MDGA2: variants seen among roughly 807,000 people sequenced by gnomAD.
MDGA2 encodes the protein MAM domain-containing glycosylphosphatidylinositol anchor protein 2.
Under a neutral mutation model 117.8 loss-of-function variants are expected in MDGA2, and 40 were observed. That is an observed-to-expected ratio of 0.34 (90% CI 0.26 to 0.44). The LOEUF is 0.44. Ranked by LOEUF, MDGA2 falls within the 20% of genes least tolerant of loss-of-function variation. The probability of loss-of-function intolerance (pLI) is 1.00; values close to 1 mark genes in which losing one functional copy is unlikely to be tolerated. For missense variants in MDGA2, 1,123 were observed against 1,250.6 expected (o/e 0.90, Z 1.54); for synonymous variants, 452 against 439.0 (o/e 1.03, Z -0.37).
At chr14:47,294,229 G>A (rs1888986647) in intron 2 of MDGA2, among the ~76,000 whole-genome samples, 1 of 150,668 alleles carries the variant, frequency 6.6e-6, no homozygotes, top group African/African-American at 2.4e-5. Flanking sequence ...CCGACTAGCT[G>A]GAACTACAGG....
intron 3 of MDGA2, among the ~76,000 whole-genome samples, chr14:47,156,350 A>T (rs1215449588): frequency 6.6e-6 from 1 of 151,736 alleles, no homozygotes; most frequent in Non-Finnish European, 1.5e-5. Context: ...AACCTCAAAA[A>T]CTCCAAAGTT....
intron 1 of MDGA2, among the ~76,000 whole-genome samples, chr14:47,469,955 C>A (rs1385317142): frequency 6.6e-6 from 1 of 152,054 alleles, no homozygotes; most frequent in Non-Finnish European, 1.5e-5. Flanking sequence ...CATCTCTTCT[C>A]TGTATAAAAG....
At chr14:47,454,843 C>G (rs922411142) in intron 1 of MDGA2, among the ~76,000 whole-genome samples, 2 of 147,792 alleles carry the variant, frequency 1.4e-5, no homozygotes, top group South Asian at 2.4e-4. Flanking sequence ...CACATTCTTC[C>G]AAGCAAAGAT....
intron 1 of MDGA2, among the ~76,000 whole-genome samples, chr14:47,401,295 G>A (rs1051453149): frequency 6.6e-6 from 1 of 152,068 alleles, no homozygotes; most frequent in Non-Finnish European, 1.5e-5. Flanking sequence ...AACAGTAAAA[G>A]TGTCTTTAGG....
intron 2 of MDGA2, among the ~76,000 whole-genome samples, chr14:47,290,006 A>C (rs915516531): frequency 2.0e-5 from 3 of 152,158 alleles, no homozygotes; most frequent in Admixed American, 6.5e-5. Context: ...TATATCATAA[A>C]TCTCTATCAC....
chr14:47,579,622 CTGATA>C (rs1896189998), intron 1 of MDGA2, among the ~76,000 whole-genome samples: 1 of 151,936 alleles, frequency 6.6e-6, no homozygotes, highest in African/African-American at 2.4e-5. Context: ...GGCCAATGGA[CTGATA>C]TGATAATTTA....
chr14:47,390,984 C>G (rs1439037861), intron 1 of MDGA2, among the ~76,000 whole-genome samples: 4 of 152,142 alleles, frequency 2.6e-5, no homozygotes, highest in Non-Finnish European at 5.9e-5. Flanking sequence ...CCTACCATCT[C>G]CTGTCTAGCC....
intron 3 of MDGA2, among the ~76,000 whole-genome samples, chr14:47,213,103 A>G (rs1218805810): frequency 6.6e-6 from 1 of 152,124 alleles, no homozygotes; most frequent in African/African-American, 2.4e-5. Flanking sequence ...AATAGATAAA[A>G]GTAGTATCCT....
chr14:47,410,091 T>C (rs1428912888), intron 1 of MDGA2, among the ~76,000 whole-genome samples: 1 of 152,182 alleles, frequency 6.6e-6, no homozygotes, highest in East Asian at 1.9e-4. Context: ...ATTTGTTGTC[T>C]TCAGACAGGA....
At chr14:46,986,682 G>A (rs1046883533) in intron 8 of MDGA2, among the ~76,000 whole-genome samples, 1 of 152,076 alleles carries the variant, frequency 6.6e-6, no homozygotes, top group Non-Finnish European at 1.5e-5. Context: ...ACAACTAGCT[G>A]CTTAGCATGC....
At chr14:47,503,598 GT>G (rs1894447557) in intron 1 of MDGA2, among the ~76,000 whole-genome samples, 1 of 151,938 alleles carries the variant, frequency 6.6e-6, no homozygotes, top group African/African-American at 2.4e-5. Flanking sequence ...TAGAGACAGG[GT>G]TTCACCGTGT....
intron 3 of MDGA2, among the ~76,000 whole-genome samples, chr14:47,191,399 A>T (rs1305463798): frequency 1.5e-5 from 2 of 136,336 alleles, no homozygotes; most frequent in African/African-American, 5.7e-5. Flanking sequence ...CATTTAGGAA[A>T]TATATCTCAT....
At chr14:47,365,593 T>C (rs1891214931) in intron 1 of MDGA2, among the ~76,000 whole-genome samples, 1 of 152,234 alleles carries the variant, frequency 6.6e-6, no homozygotes, top group Non-Finnish European at 1.5e-5. Flanking sequence ...AATAATATTC[T>C]CATTTTATTC....
chr14:47,495,326 T>C (rs959740020), intron 1 of MDGA2, among the ~76,000 whole-genome samples: 1 of 151,982 alleles, frequency 6.6e-6, no homozygotes, highest in African/African-American at 2.4e-5. Context: ...TTTGGTACAA[T>C]GTACACTATT....
chr14:47,293,165 C>CT lies in MDGA2; in HGVS notation c.420+8245dup, dbSNP rs1489583941. On this transcript the variant is annotated intron_variant, in intron 2 of 16. Coordinates refer to ENST00000399232, the MANE Select transcript of MDGA2 (RefSeq NM_001113498.3). ...TCACAGTGAATGCCTTGGGAACCCT[C>CT]TAAAAATGAGTCTCATATAATAAAT... Among the ~76,000 whole-genome samples, 5 of 152,154 alleles carry CT rather than the reference C, an allele frequency of 3.3e-5. No individual in the cohort carries two copies. The East Asian group carries it at 9.6e-4, about 29-fold the overall frequency.
chr14:46,873,777 A>G (rs1882111976), intron 13 of MDGA2, 186 bp from the exon 14 acceptor site: 3 of 570,560 alleles, frequency 5.3e-6, no homozygotes, highest in South Asian at 7.5e-5. Flanking sequence ...TAAATGATCT[A>G]CCAAATTAAA....
chr14:47,006,810 C>T (rs927724259), intron 8 of MDGA2, among the ~76,000 whole-genome samples: 7 of 151,488 alleles, frequency 4.6e-5, no homozygotes, highest in African/African-American at 1.5e-4. Context: ...AAACAGAGTT[C>T]CTGTGTCATA....
intron 5 of MDGA2, among the ~76,000 whole-genome samples, chr14:47,124,690 A>T (rs1881810226): frequency 6.6e-6 from 1 of 152,066 alleles, no homozygotes; most frequent in Non-Finnish European, 1.5e-5. Context: ...AGGGTAAATG[A>T]GGTCCTAAGG....
intron 1 of MDGA2, among the ~76,000 whole-genome samples, chr14:47,625,966 CAG>C (rs1278003389): frequency 1.3e-5 from 2 of 152,190 alleles, no homozygotes; most frequent in South Asian, 2.1e-4. Flanking sequence ...GGACACCAGA[CAG>C]AGTTTCCAGT....
Sources: gnomAD v4.1 joint callset for allele counts (sites outside exome capture counted in the v4.1 genomes callset) on GRCh38, gnomAD v4.1.1 for gene constraint, MANE v1.5 for transcripts, NCBI Gene and HGNC (gene_info 2026-07-23, HGNC 2026-07-21) for gene names.